KIAA0825: variants seen among roughly 807,000 people sequenced by gnomAD.
KIAA0825 encodes KIAA0825.
In KIAA0825, 119 loss-of-function variants were observed where a neutral mutation model predicts 147.6. The observed-to-expected ratio is 0.81, with a 90% confidence interval of 0.69 to 0.94. The LOEUF (loss-of-function observed/expected upper bound fraction) is 0.94. KIAA0825 is among the 40% of genes least tolerant of loss of function. KIAA0825 has a pLI of 0.00. For synonymous variants in KIAA0825, 470 were observed against 518.1 expected (o/e 0.91, Z 1.26); for missense variants, 1,381 against 1,472.7 (o/e 0.94, Z 1.02).
intron 20 of KIAA0825, among the ~76,000 whole-genome samples, chr5:94,332,620 A>G (rs1254323186): frequency 2.0e-5 from 3 of 152,074 alleles, no homozygotes; most frequent in Non-Finnish European, 4.4e-5. Context: ...TACCCAGTCT[A>G]TCATTGGTGG....
chr5:94,365,480 A>G (rs1164964917), intron 20 of KIAA0825, among the ~76,000 whole-genome samples: 1 of 152,252 alleles, frequency 6.6e-6, no homozygotes, highest in Admixed American at 6.5e-5. Context: ...GTAAATCAAA[A>G]TCCACAGCTG....
intron 20 of KIAA0825, among the ~76,000 whole-genome samples, chr5:94,310,706 A>G (rs1407031741): frequency 6.6e-6 from 1 of 151,710 alleles, no homozygotes; most frequent in African/African-American, 2.4e-5. Context: ...TAGTAAAAAT[A>G]TATCTGACAA....
intron 20 of KIAA0825, among the ~76,000 whole-genome samples, chr5:94,310,014 T>C (rs1410235567): frequency 4.6e-5 from 7 of 151,740 alleles, no homozygotes; most frequent in Non-Finnish European, 1.0e-4. Context: ...CACCAGATAA[T>C]TGACATATTA....
At chr5:94,601,255 G>C (rs2152418897) in intron 1 of KIAA0825, among the ~76,000 whole-genome samples, 1 of 152,282 alleles carries the variant, frequency 6.6e-6, no homozygotes, top group African/African-American at 2.4e-5. Flanking sequence ...AGCCTTCACT[G>C]GTGATACCTC....
rs569495608 is a variant in KIAA0825, at chr5:94,355,324, AT to A, written c.3710+29043del. On this transcript the variant is annotated intron_variant, in intron 20 of 20. Transcript: ENST00000682413. ...TAATAGAGGTTCTTTACAGATGCAA[AT>A]TTTCCCCCACAAAGGACGGCTTTGC... Among the ~76,000 whole-genome samples the A allele has an allele frequency of 2.3e-4, 35 of 152,288 alleles. No homozygotes were observed. The South Asian group carries it at 3.9e-3, about 17-fold the overall frequency.
intron 2 of KIAA0825, among the ~76,000 whole-genome samples, chr5:94,540,304 C>T (rs952718193): frequency 5.9e-5 from 9 of 152,196 alleles, no homozygotes; most frequent in Admixed American, 5.9e-4. Context: ...TAGGATAGAA[C>T]ATGGGCTTAG....
chr5:94,590,760 A>T (rs749763592), intron 1 of KIAA0825, among the ~76,000 whole-genome samples: 46 of 152,244 alleles, frequency 3.0e-4, no homozygotes, highest in Non-Finnish European at 6.0e-4. Flanking sequence ...TGTTGGTAAC[A>T]TTGGTTATCT....
intron 20 of KIAA0825, among the ~76,000 whole-genome samples, chr5:94,233,261 A>G (rs1401752254): frequency 1.3e-5 from 2 of 152,230 alleles, no homozygotes; most frequent in African/African-American, 2.4e-5. Flanking sequence ...AGCATGTACT[A>G]TAACTCAAAT....
intron 20 of KIAA0825, among the ~76,000 whole-genome samples, chr5:94,290,016 T>C (rs1384868044): frequency 6.6e-6 from 1 of 152,030 alleles, no homozygotes; most frequent in African/African-American, 2.4e-5. Flanking sequence ...ACAAAAGCCC[T>C]TGTCCTACTG....
intron 5 of KIAA0825, among the ~76,000 whole-genome samples, chr5:94,491,580 A>C (rs2151076201): frequency 6.6e-6 from 1 of 152,304 alleles, no homozygotes; most frequent in Non-Finnish European, 1.5e-5. Context: ...AGTAGCTAGA[A>C]AATCATGGAG....
At chr5:94,554,716 C>CTATATATA (rs70978114) in intron 2 of KIAA0825, among the ~76,000 whole-genome samples, 49 of 67,086 alleles carry the variant, frequency 7.3e-4, no homozygotes, top group East Asian at 1.5e-3. Context: ...GTTCTGTGTA[C>CTATATATA]TATATATATA....
chr5:94,205,301 T>A (rs868752812), intron 20 of KIAA0825, among the ~76,000 whole-genome samples: 11 of 62,844 alleles, frequency 1.8e-4, no homozygotes, highest in South Asian at 4.6e-4. Flanking sequence ...ATATATATAT[T>A]TTGTTTTGTT....
chr5:94,598,322 G>T (rs973561935), intron 1 of KIAA0825, among the ~76,000 whole-genome samples: 2 of 151,784 alleles, frequency 1.3e-5, no homozygotes, highest in Non-Finnish European at 2.9e-5. Flanking sequence ...GCCTACACAG[G>T]GTCAGGGTGA....
chr5:94,576,937 A>G (rs910837078), intron 2 of KIAA0825, among the ~76,000 whole-genome samples: 4 of 152,220 alleles, frequency 2.6e-5, no homozygotes, highest in African/African-American at 9.6e-5. Flanking sequence ...ATTTTGTTCA[A>G]TTTGTTGGAT....
chr5:94,585,333 G>C (rs886768883), intron 1 of KIAA0825, among the ~76,000 whole-genome samples: 1 of 152,194 alleles, frequency 6.6e-6, no homozygotes, highest in African/African-American at 2.4e-5. Context: ...AAAATAAAGG[G>C]ATGGAGGAAG....
chr5:94,579,184 T>A (rs1038280430), intron 2 of KIAA0825, among the ~76,000 whole-genome samples: 4 of 152,220 alleles, frequency 2.6e-5, no homozygotes, highest in African/African-American at 9.6e-5. Flanking sequence ...CCTCCCAAAG[T>A]GCTGGGATTA....
At chr5:94,499,021 C>T (rs534724965) in intron 5 of KIAA0825, among the ~76,000 whole-genome samples, 63 of 152,236 alleles carry the variant, frequency 4.1e-4, no homozygotes, top group Non-Finnish European at 1.5e-4. Context: ...TTTTCTTTTA[C>T]CTCCTAGATT....
At chr5:94,323,501 AT>A (rs531647946) in intron 20 of KIAA0825, among the ~76,000 whole-genome samples, 19 of 148,580 alleles carry the variant, frequency 1.3e-4, no homozygotes, top group Non-Finnish European at 2.2e-4. Flanking sequence ...GACATTTGGG[AT>A]TTTTTTTTCA....
intron 1 of KIAA0825, among the ~76,000 whole-genome samples, chr5:94,585,053 A>T (rs1783012401): frequency 6.6e-6 from 1 of 152,208 alleles, no homozygotes; most frequent in Non-Finnish European, 1.5e-5. Context: ...CTAAACATGG[A>T]AAGGAACAAC....
Sources: gnomAD v4.1 joint callset for allele counts (sites outside exome capture counted in the v4.1 genomes callset) on GRCh38, gnomAD v4.1.1 for gene constraint, MANE v1.5 for transcripts, NCBI Gene and HGNC (gene_info 2026-07-23, HGNC 2026-07-21) for gene names.